The following GPR39 variants were observed in gnomAD, a reference collection of about 807,000 sequenced individuals.
The protein encoded by GPR39 is G protein-coupled receptor 39.
A neutral mutation model predicts 18.4 loss-of-function variants in GPR39; 23 were observed. The ratio of observed to expected loss-of-function variants is 1.25; its 90% CI spans 0.90 to 1.77. The LOEUF (loss-of-function observed/expected upper bound fraction) is 1.77, where lower values mean the gene tolerates loss of function less well. GPR39 is among the 40% of genes most tolerant of loss of function. GPR39 has a pLI of 0.00. For missense variants in GPR39, 647 were observed against 602.4 expected (o/e 1.07, Z -0.78); for synonymous variants, 280 against 257.9 (o/e 1.09, Z -0.82).
chr2:132,552,699 G>A (rs1309852893), intron 1 of GPR39, among the ~76,000 whole-genome samples: 1 of 151,494 alleles, frequency 6.6e-6, no homozygotes, highest in Non-Finnish European at 1.5e-5. Context: ...GTAAATATTG[G>A]CAAGCCTTTA....
At chr2:132,489,997 G>A (rs950956807) in intron 1 of GPR39, among the ~76,000 whole-genome samples, 4 of 151,764 alleles carry the variant, frequency 2.6e-5, no homozygotes, top group Non-Finnish European at 5.9e-5. Flanking sequence ...TCCTCACCAG[G>A]TAGTCCCCAG....
intron 1 of GPR39, among the ~76,000 whole-genome samples, chr2:132,446,363 C>T (rs1210510553): frequency 3.3e-5 from 5 of 152,232 alleles, no homozygotes; most frequent in Admixed American, 6.5e-5. Context: ...CAGACACGCA[C>T]ATAAACCAGA....
chr2:132,469,003 C>T (rs995088545), intron 1 of GPR39, among the ~76,000 whole-genome samples: 2 of 152,188 alleles, frequency 1.3e-5, no homozygotes, highest in African/African-American at 4.8e-5. Context: ...ACTGTTGCCT[C>T]CTTGGCAGCG....
intron 1 of GPR39, among the ~76,000 whole-genome samples, chr2:132,467,303 G>T (rs768372809): frequency 1.3e-5 from 2 of 152,140 alleles, no homozygotes; most frequent in Non-Finnish European, 2.9e-5. Context: ...ATGGACTAAT[G>T]CAAGAACAGA....
intron 1 of GPR39, among the ~76,000 whole-genome samples, chr2:132,565,508 T>C (rs541958691): frequency 5.4e-5 from 8 of 149,500 alleles, no homozygotes; most frequent in South Asian, 2.2e-4. Context: ...CACTAACTCG[T>C]CATCTAGCCT....
chr2:132,431,697 A>G (rs370430796), intron 1 of GPR39, among the ~76,000 whole-genome samples: 147 of 152,204 alleles, frequency 9.7e-4, no homozygotes, highest in African/African-American at 3.5e-3. Context: ...GTGTGCATTG[A>G]GAATATGTGG....
At chr2:132,627,502 G>A (rs1159212669) in intron 1 of GPR39, among the ~76,000 whole-genome samples, 1 of 152,114 alleles carries the variant, frequency 6.6e-6, no homozygotes, top group African/African-American at 2.4e-5. Flanking sequence ...GAGTAATGAT[G>A]TACAGTCTCA....
chr2:132,489,505 A>G (rs1558813256), intron 1 of GPR39, among the ~76,000 whole-genome samples: 1 of 151,914 alleles, frequency 6.6e-6, no homozygotes, highest in South Asian at 2.1e-4. Flanking sequence ...TATATTCTTA[A>G]TTTTCCCGGA....
intron 1 of GPR39, among the ~76,000 whole-genome samples, chr2:132,615,135 A>G (rs1681313011): frequency 6.6e-6 from 1 of 152,078 alleles, no homozygotes; most frequent in Non-Finnish European, 1.5e-5. Flanking sequence ...TTCAGACACC[A>G]CGGATTTAAT....
intron 1 of GPR39, among the ~76,000 whole-genome samples, chr2:132,584,083 G>A (rs1267283057): frequency 6.6e-6 from 1 of 152,082 alleles, no homozygotes; most frequent in African/African-American, 2.4e-5. Context: ...GGGTGGGGTA[G>A]GGATTTGAAT....
At chr2:132,507,143 A>G (rs1679148882) in intron 1 of GPR39, among the ~76,000 whole-genome samples, 1 of 152,168 alleles carries the variant, frequency 6.6e-6, no homozygotes, top group Admixed American at 6.5e-5. Flanking sequence ...TGGGAATTCA[A>G]TTTCAACATG....
rs1020579194 is a variant in GPR39 at position 132,645,601 on chromosome 2, G to A, written c.1357G>A (p.Val453Ile). ...AGAGAATGGTTTTCAGGAGCATGAA[G>A]TTTGAATGTCAAGCGAGGGAGCCTT... ...AAENGFQEHE[V>I] Residue 453 changes from valine to isoleucine, a missense_variant, in exon 2 of 2, where the codon GTT (valine) becomes ATT (isoleucine). Val to Ile is a conservative substitution (Grantham distance 29). This residue lies in a region of GPR39 where 581 missense variants were observed against 506.8 expected (regional missense o/e 1.15). Transcript: ENST00000329321. The A allele has an allele frequency of 6.2e-7, 1 of 1,609,772 alleles. No individual in the cohort carries two copies. The highest frequency in any genetic ancestry group is 8.5e-7 in the Non-Finnish European group (1 of 1,177,906).
At chr2:132,606,936 C>T (rs1297644659) in intron 1 of GPR39, among the ~76,000 whole-genome samples, 1 of 152,192 alleles carries the variant, frequency 6.6e-6, no homozygotes, top group East Asian at 1.9e-4. Flanking sequence ...AAGCAGAGGA[C>T]CCTGCCACTC....
At chr2:132,454,644 G>T (rs1680686944) in intron 1 of GPR39, among the ~76,000 whole-genome samples, 1 of 152,126 alleles carries the variant, frequency 6.6e-6, no homozygotes, top group South Asian at 2.1e-4. Context: ...TTATTATTTT[G>T]AGATACGTTC....
intron 1 of GPR39, among the ~76,000 whole-genome samples, chr2:132,514,934 A>G (rs965575286): frequency 6.6e-6 from 1 of 152,216 alleles, no homozygotes; most frequent in Non-Finnish European, 1.5e-5. Context: ...TCACCCTACC[A>G]GCCAGAGTAT....
chr2:132,626,125 A>T (rs2104864820), intron 1 of GPR39, among the ~76,000 whole-genome samples: 1 of 152,176 alleles, frequency 6.6e-6, no homozygotes, highest in Admixed American at 6.5e-5. Context: ...AAAACTAAAA[A>T]AGTAGCCTAA....
At chr2:132,480,846 A>G (rs1254214520) in intron 1 of GPR39, among the ~76,000 whole-genome samples, 4 of 152,108 alleles carry the variant, frequency 2.6e-5, no homozygotes, top group Non-Finnish European at 4.4e-5. Context: ...GTTTTCTCTC[A>G]TGTTTCTATG....
chr2:132,597,767 A>G (rs1043373611), intron 1 of GPR39, among the ~76,000 whole-genome samples: 1 of 152,254 alleles, frequency 6.6e-6, no homozygotes, highest in Non-Finnish European at 1.5e-5. Context: ...AACAGGCAAT[A>G]TGAAAATGAT....
chr2:132,423,964 G>T (rs1036650001), intron 1 of GPR39, among the ~76,000 whole-genome samples: 1 of 152,146 alleles, frequency 6.6e-6, no homozygotes, highest in Non-Finnish European at 1.5e-5. Flanking sequence ...TTCGTATAGA[G>T]GTTTATCATT....
Sources: allele counts gnomAD v4.1 joint callset (sites outside exome capture counted in the v4.1 genomes callset), GRCh38; gene constraint gnomAD v4.1.1; regional missense constraint gnomAD v4.1.1; transcripts MANE v1.5; gene names NCBI Gene and HGNC (gene_info 2026-07-23, HGNC 2026-07-21).